RIPOR3: variants seen among roughly 807,000 people sequenced by gnomAD.
RIPOR3 encodes the protein family with sequence similarity 65 member C.
A neutral mutation model predicts 114.3 loss-of-function variants in RIPOR3; 95 were observed. That is an observed-to-expected ratio of 0.83 (90% CI 0.70 to 0.99). The LOEUF is 0.99. Among genes scored for constraint, RIPOR3 ranks in the 50% least tolerant of loss-of-function variants. The pLI, the probability that RIPOR3 is intolerant of heterozygous loss-of-function variation, is 0.00. For missense variants in RIPOR3, 1,252 were observed against 1,266.9 expected, an observed-to-expected ratio of 0.99 and a Z score of 0.18; for synonymous variants, 575 against 543.8, an observed-to-expected ratio of 1.06 and a Z score of -0.80.
In RIPOR3 at chr20:50,642,997, G is replaced by A. The variant is rs184777015; in HGVS notation, c.4-12141C>T. On this transcript the variant is annotated intron_variant, in intron 1 of 21. Transcript: ENST00000327979. ...CGGGAGGCAGAGGTTGCGGTGAGCC[G>A]AGATTGCACCATTGCACTCCAGACT... Among the ~76,000 whole-genome samples, 147 of 152,020 alleles carry A rather than the reference G, an allele frequency of 9.7e-4. 2 individuals carry two copies. The highest frequency in any genetic ancestry group is 3.2e-3 in the African/African-American group (133 of 41,488).
At chr20:50,690,349 G>T (rs899811519) in intron 1 of RIPOR3, among the ~76,000 whole-genome samples, 3 of 152,150 alleles carry the variant, frequency 2.0e-5, no homozygotes, top group Non-Finnish European at 4.4e-5. Flanking sequence ...CCTACGACAA[G>T]GCAGCAAATC....
intron 16 of RIPOR3, 70 bp from the exon 17 acceptor site, chr20:50,594,784 C>T: frequency 6.5e-7 from 1 of 1,536,568 alleles, no homozygotes. Context: ...CGAAAGGTTT[C>T]CCTCCACTAG....
chr20:50,605,893 A>G (rs114826465), intron 11 of RIPOR3, among the ~76,000 whole-genome samples: 3,447 of 152,182 alleles, frequency 0.023, 124 homozygotes, highest in African/African-American at 0.077. Flanking sequence ...AGGTTACATG[A>G]CCTCTACCCC....
intron 13 of RIPOR3, among the ~76,000 whole-genome samples, chr20:50,598,046 C>T (rs950085614): frequency 2.0e-5 from 3 of 152,204 alleles, no homozygotes; most frequent in Admixed American, 1.3e-4. Flanking sequence ...GAGGCAGGAG[C>T]GCAGGTGCCT....
At chr20:50,605,653 T>G (rs561418252) in intron 11 of RIPOR3, among the ~76,000 whole-genome samples, 3 of 151,760 alleles carry the variant, frequency 2.0e-5, no homozygotes, top group Non-Finnish European at 4.4e-5. Context: ...CAACAGACAC[T>G]TGTAGTCCCA....
intron 1 of RIPOR3, among the ~76,000 whole-genome samples, chr20:50,634,577 T>C (rs756879874): frequency 6.6e-6 from 1 of 152,196 alleles, no homozygotes; most frequent in Non-Finnish European, 1.5e-5. Context: ...ACATCTTTAT[T>C]GAACCAGAAA....
intron 9 of RIPOR3, 85 bp from the exon 10 acceptor site, chr20:50,608,823 C>T: frequency 1.2e-6 from 2 of 1,612,224 alleles, no homozygotes; most frequent in Non-Finnish European, 1.7e-6. Context: ...CCAGGCAGAG[C>T]CCCAGCTGCA....
chr20:50,636,450 A>C (rs868068382), intron 1 of RIPOR3: 8 of 603,942 alleles, frequency 1.3e-5, no homozygotes, highest in African/African-American at 8.0e-5. Context: ...CATCAGGAAG[A>C]GAGGAGGAAT....
intron 1 of RIPOR3, among the ~76,000 whole-genome samples, chr20:50,676,462 G>A (rs2123571259): frequency 6.6e-6 from 1 of 152,156 alleles, no homozygotes; most frequent in African/African-American, 2.4e-5. Flanking sequence ...GACCATCCTG[G>A]GCAACATAGA....
chr20:50,596,316 C>CT, intron 14 of RIPOR3, 53 bp from the exon 15 acceptor site: 2 of 1,608,836 alleles, frequency 1.2e-6, no homozygotes, highest in South Asian at 2.2e-5. Context: ...TCAGCTCCCT[C>CT]TGAGGGTGGG....
intron 2 of RIPOR3, among the ~76,000 whole-genome samples, chr20:50,620,525 G>T (rs2084358875): frequency 6.6e-6 from 1 of 152,122 alleles, no homozygotes; most frequent in African/African-American, 2.4e-5. Flanking sequence ...TACTCCGGAG[G>T]CTGAGGCACA....
At chr20:50,687,332 T>C (rs141667975) in intron 1 of RIPOR3, among the ~76,000 whole-genome samples, 2 of 152,360 alleles carry the variant, frequency 1.3e-5, no homozygotes, top group East Asian at 3.9e-4. Flanking sequence ...GAGAGGAGTT[T>C]GGCTGCTGGT....
At chr20:50,609,032 T>TC (rs1250819088) in intron 8 of RIPOR3, 77 bp from the exon 9 acceptor site, 1 of 1,534,384 alleles carries the variant, frequency 6.5e-7, no homozygotes, top group African/African-American at 1.4e-5. Context: ...TCTCTGGGGT[T>TC]CCCCCGAGTA....
intron 1 of RIPOR3, among the ~76,000 whole-genome samples, chr20:50,673,176 C>T (rs921100290): frequency 1.3e-5 from 2 of 152,208 alleles, no homozygotes; most frequent in East Asian, 1.9e-4. Flanking sequence ...CCAGCCTCCA[C>T]TCTTCTCTAG....
intron 1 of RIPOR3, among the ~76,000 whole-genome samples, chr20:50,663,326 G>T (rs1442681017): frequency 2.0e-5 from 3 of 152,124 alleles, no homozygotes; most frequent in African/African-American, 7.2e-5. Flanking sequence ...CGTGCTTAAT[G>T]ATTGTCAGGT....
intron 3 of RIPOR3, among the ~76,000 whole-genome samples, chr20:50,618,683 T>C (rs1600588757): frequency 6.6e-6 from 1 of 152,234 alleles, no homozygotes; most frequent in Admixed American, 6.5e-5. Context: ...TATTGTGTAT[T>C]GTCTGTCTCT....
intron 1 of RIPOR3, among the ~76,000 whole-genome samples, chr20:50,647,893 C>T (rs1016503464): frequency 2.3e-4 from 35 of 152,208 alleles, no homozygotes; most frequent in Middle Eastern, 3.4e-3. Flanking sequence ...CTTTCAGTTG[C>T]GAGGACTTGC....
In RIPOR3 at chr20:50,609,593, T is replaced by A; in HGVS notation, c.556A>T (p.Ser186Cys). 3.5e-6 allele frequency: 5 copies of A among 1,417,092 alleles called. No homozygotes were observed. Among genetic ancestry groups the A allele is most frequent in the Non-Finnish European group, 4.6e-6 (5 of 1,089,248 alleles). The allele number at this position is 1,417,092 out of a possible 1,614,324, so 87.8% of individuals were successfully genotyped here. Residue 186 changes from serine (S) to cysteine (C), a missense_variant, in exon 7 of 22, where the codon AGC becomes TGC. Transcript: ENST00000327979. The part of the protein sequence containing the change: ...ARESLQELGR[S>C]LHECAEDMWL... ...CCCACCTCGGCGCACTCGTGCAGGC[T>A]GCGGCCCAGCTCCTGCAGGCTCTCT...
chr20:50,658,032 T>G (rs1368548482), intron 1 of RIPOR3, among the ~76,000 whole-genome samples: 1 of 152,130 alleles, frequency 6.6e-6, no homozygotes, highest in Non-Finnish European at 1.5e-5. Context: ...CCCAAAGTAC[T>G]GGGATTACAG....
Sources: gnomAD v4.1 joint callset for allele counts (sites outside exome capture counted in the v4.1 genomes callset) on GRCh38, gnomAD v4.1.1 for gene constraint, MANE v1.5 for transcripts, NCBI Gene and HGNC (gene_info 2026-07-23, HGNC 2026-07-21) for gene names.